The following GRIPAP1 variants were observed in gnomAD, a reference collection of about 807,000 sequenced individuals.
GRIPAP1 encodes GRIP1 associated protein 1, also known as GRIP1-associated protein 1.
A neutral mutation model predicts 84.1 loss-of-function variants in GRIPAP1; 14 were observed. The observed-to-expected ratio is 0.17, with a 90% CI of 0.11 to 0.26. The LOEUF is 0.26. Among genes scored for constraint, GRIPAP1 ranks in the 10% least tolerant of loss-of-function variants. The pLI, the probability that GRIPAP1 is intolerant of heterozygous loss-of-function variation, is 1.00. For synonymous variants in GRIPAP1, 261 were observed against 256.8 expected (o/e 1.02, Z -0.15); for missense variants, 518 against 674.2 (o/e 0.77, Z 2.57).
chrX:48,976,825 G>T (rs1346935137), intron 22 of GRIPAP1: 1 of 113,944 alleles, frequency 8.8e-6, no homozygotes, highest in African/African-American at 3.3e-5. Context: ...CTGAATGCTA[G>T]TTTTCATAAA....
At chrX:48,987,174 A>G (rs1602473261) in intron 13 of GRIPAP1, among the ~76,000 whole-genome samples, 1 of 54,345 alleles carries the variant, frequency 1.8e-5, no homozygotes, top group Admixed American at 2.6e-4. Context: ...TTTTAGACGG[A>G]GTCTCGCTCT....
Position 48,993,461 on chromosome X carries a change from C to A in GRIPAP1, c.424G>T (p.Ala142Ser). 8.4e-7 allele frequency: 1 copy of A among 1,183,839 alleles called. No individual in the cohort carries two copies. Among genetic ancestry groups the A allele is most frequent in the Admixed American group, 2.4e-5 (1 of 41,747 alleles). Reference sequence around the variant, plus strand: ...TTCTTCTGCAAGGCTGTGTTTTCAGCCTGTAGCCTCAGCAGCTCCCCATCC... The same window carrying A: ...TTCTTCTGCAAGGCTGTGTTTTCAGACTGTAGCCTCAGCAGCTCCCCATCC... ...LVDGELLRLQAENTALQKNVA... is the reference protein window; with the variant it reads ...LVDGELLRLQSENTALQKNVA... Residue 142 changes from alanine to serine, a missense_variant, in exon 6 of 26, where the codon GCT becomes TCT. Around this residue, in one of 5 missense-constraint regions of GRIPAP1, gnomAD observed 372 missense variants for 458.1 expected, o/e 0.81. Coordinates refer to ENST00000376423, the MANE Select transcript of GRIPAP1 (RefSeq NM_020137.5).
intron 11 of GRIPAP1, among the ~76,000 whole-genome samples, chrX:48,989,254 CAA>C (rs1257404888): frequency 9.0e-6 from 1 of 111,183 alleles, no homozygotes; most frequent in African/African-American, 3.3e-5. Context: ...CTAAAGATTT[CAA>C]AGTCACCCAG....
intron 4 of GRIPAP1, chrX:48,997,936 G>A: frequency 2.3e-6 from 1 of 435,249 alleles, no homozygotes; most frequent in Non-Finnish European, 4.0e-6. Flanking sequence ...GACAGAAAGA[G>A]ACTCAGAGAA....
At chrX:48,990,278 G>A (rs917946377) in intron 8 of GRIPAP1, among the ~76,000 whole-genome samples, 1 of 111,646 alleles carries the variant, frequency 9.0e-6, no homozygotes, top group Non-Finnish European at 1.9e-5. Flanking sequence ...CCAAAGCCCG[G>A]TATTTATGCT....
At position 48,981,410 on chromosome X, in the gene GRIPAP1, T is replaced by C; in HGVS notation, c.1830+6A>G. ...GGAGCCGTGCTTGGGCACCGCTCTG[T>C]CTTACCGCAGCACTGCCCTTCTTCT... On this transcript the variant is annotated splice_donor_region_variant and intron_variant, in intron 20 of 25. Coordinates refer to ENST00000376423, the MANE Select transcript of GRIPAP1 (RefSeq NM_020137.5). 8.3e-7 allele frequency: 1 copy of C among 1,209,384 alleles called. No individual in the cohort carries two copies. The highest frequency in any genetic ancestry group is 1.7e-5 in the African/African-American group (1 of 57,880).
chrX:48,997,857 G>A lies in GRIPAP1; in HGVS notation c.198+297C>T, dbSNP rs45590140. The A allele has an allele frequency of 3.7e-5, 14 of 378,953 alleles. No homozygotes were observed. The East Asian group carries it at 5.6e-4, about 15-fold the overall frequency. The allele number at this position is 378,953 out of a possible 1,213,427, so 31.2% of individuals were successfully genotyped here. A position where few individuals can be genotyped will look rare whatever the true frequency, so the allele number is the denominator to read the frequency against. ...AGAAATCACCGAGACAGGAACAGGA[G>A]GGGGAGAGACAAAGAGAAGATTGGG... On this transcript the variant is annotated intron_variant, in intron 4 of 25. Coordinates refer to ENST00000376423, the MANE Select transcript of GRIPAP1 (RefSeq NM_020137.5).
chrX:48,976,904 G>A (rs1254911922), intron 22 of GRIPAP1: 1 of 109,971 alleles, frequency 9.1e-6, no homozygotes, highest in African/African-American at 3.3e-5. Context: ...CAGACGACAT[G>A]AATTTTTTTT....
rs781958056 is a variant in GRIPAP1 at position 48,993,402 on chromosome X, G to T, written c.457+26C>A. On this transcript the variant is annotated intron_variant, in intron 6 of 25. Coordinates refer to ENST00000376423, the MANE Select transcript of GRIPAP1 (RefSeq NM_020137.5). ...GCCCTACTCAAGCCCCAATGTCTCC[G>T]CATCCCCAGGAGGGCCTCTATGCAC... 5 of 1,100,824 alleles carry T rather than the reference G, an allele frequency of 4.5e-6. No individual in the cohort carries two copies. In the South Asian group the frequency reaches 1.2e-4, roughly 26 times the overall value. The allele number at this position is 1,100,824 out of a possible 1,213,427, so 90.7% of individuals were successfully genotyped here. A position where few individuals can be genotyped will look rare whatever the true frequency, so the allele number is the denominator to read the frequency against.
intron 6 of GRIPAP1, among the ~76,000 whole-genome samples, chrX:48,992,889 C>T (rs934000494): frequency 2.5e-4 from 27 of 109,040 alleles, no homozygotes; most frequent in Non-Finnish European, 5.2e-4. Flanking sequence ...GGTGTGATCT[C>T]GGCTCACTGC....
intron 21 of GRIPAP1, chrX:48,980,894 AAAG>A (rs1487255467): frequency 3.6e-6 from 1 of 274,454 alleles, no homozygotes; most frequent in East Asian, 7.1e-5. Context: ...AAAAAAAAAA[AAAG>A]AGAGAGAAAA....
chrX:48,985,376 C>T lies in GRIPAP1; in HGVS notation c.1068G>A (p.Leu356=). ...CAGTGGTCTGTTCCCGGAGCATATT[C>T]AGTTCTTGGGTCTTTGCTGTTTGGA... ...EQIQTAKTQE[L]NMLREQTTGL... is the part of the protein sequence containing the mutation. Residue 356 remains leucine, a synonymous_variant, in exon 14 of 26, where the codon CTG becomes CTA. Transcript: ENST00000376423. The T allele has an allele frequency of 8.3e-7, 1 of 1,210,029 alleles. No individual in the cohort carries two copies. Among genetic ancestry groups the T allele is most frequent in the South Asian group, 1.8e-5 (1 of 56,943 alleles).
At chrX:48,984,103 C>A (rs1361893116) in intron 14 of GRIPAP1, among the ~76,000 whole-genome samples, 4 of 111,737 alleles carry the variant, frequency 3.6e-5, no homozygotes, top group African/African-American at 1.3e-4. Context: ...GCAGATGTTT[C>A]CCCTCCTCCC....
intron 9 of GRIPAP1, 45 bp from the exon 10 acceptor site, chrX:48,989,927 A>T (rs782500908): frequency 1.1e-4 from 137 of 1,200,103 alleles, no homozygotes; most frequent in Admixed American, 3.7e-4. Context: ...TCCGTAAGTT[A>T]ATTCCCCCCT....
At chrX:48,979,506 A>ATT (rs2064443513) in intron 21 of GRIPAP1, among the ~76,000 whole-genome samples, 1 of 7,354 alleles carries the variant, frequency 1.4e-4, no homozygotes, top group Non-Finnish European at 2.4e-4. Flanking sequence ...AAAAAAAGAA[A>ATT]TGCAAGCAGG....
Position 48,983,408 on chromosome X carries a change from C to T in GRIPAP1, c.1305G>A (p.Glu435=). 1 of 1,210,952 alleles carries T rather than the reference C, an allele frequency of 8.3e-7. No individual in the cohort carries two copies. The highest frequency in any genetic ancestry group is 1.1e-6 in the Non-Finnish European group (1 of 894,653). The stretch of plus-strand genomic sequence containing the variant: ...TCTCTTGCAGCGTTTCCATTGCTAG[C>T]TCATCCAGCATGGCCTTCCGCTTCT... ...SAEKRKAMLD[E]LAMETLQEKS... Residue 435 remains glutamate, a synonymous_variant, in exon 16 of 26, where the codon GAG becomes GAA. Coordinates refer to ENST00000376423, the MANE Select transcript of GRIPAP1 (RefSeq NM_020137.5).
chrX:48,999,579 C>T (rs782405108), intron 1 of GRIPAP1, 75 bp from the exon 2 acceptor site: 1 of 693,123 alleles, frequency 1.4e-6, no homozygotes, highest in African/African-American at 2.1e-5. Context: ...AACCAAGCCC[C>T]TAAGCTCCAC....
At chrX:48,999,187 G>A in intron 3 of GRIPAP1, 51 bp downstream of exon 3, 1 of 955,296 alleles carries the variant, frequency 1.0e-6, no homozygotes, top group Middle Eastern at 2.6e-4. Context: ...GAGTCAGATA[G>A]GTAGAAGCAA....
chrX:48,994,584 C>T (rs1195444480), intron 5 of GRIPAP1, among the ~76,000 whole-genome samples: 1 of 111,967 alleles, frequency 8.9e-6, no homozygotes, highest in African/African-American at 3.2e-5. Flanking sequence ...ACCTAACTGG[C>T]TTCTTTGCAT....
Sources: allele counts gnomAD v4.1 joint callset (sites outside exome capture counted in the v4.1 genomes callset), GRCh38; gene constraint gnomAD v4.1.1; regional missense constraint gnomAD v4.1.1; transcripts MANE v1.5; gene names NCBI Gene and HGNC (gene_info 2026-07-23, HGNC 2026-07-21).